TGFB1: variants seen among roughly 807,000 people sequenced by gnomAD.
TGFB1 encodes transforming growth factor beta 1.
Under a neutral mutation model 43.8 loss-of-function variants are expected in TGFB1, and 19 were observed. The observed-to-expected ratio is 0.43, with a 90% CI of 0.30 to 0.64. TGFB1 has a LOEUF of 0.64. Among genes scored for constraint, TGFB1 ranks in the 30% least tolerant of loss-of-function variants. TGFB1 has a pLI of 0.11. For synonymous variants in TGFB1, 221 were observed against 236.3 expected (o/e 0.94, Z 0.60); for missense variants, 445 against 529.8 (o/e 0.84, Z 1.57).
At chr19:41,349,046 G>A (rs1190810296) in intron 1 of TGFB1, among the ~76,000 whole-genome samples, 1 of 152,060 alleles carries the variant, frequency 6.6e-6, no homozygotes, top group Non-Finnish European at 1.5e-5. Flanking sequence ...CTCTCAAGTC[G>A]ACTAAGGCTG....
chr19:41,330,890 G>A lies in TGFB1; in HGVS notation c.*162C>T, dbSNP rs1170990640. On this transcript the variant is annotated 3_prime_UTR_variant, in exon 7 of 7. Transcript: ENST00000221930. ...TCAGGGATGGAGACCCCAGGCAGGCGCCCAATGACACAGAGATCCGCAGTC... is the reference window on the plus strand; with the variant it reads ...TCAGGGATGGAGACCCCAGGCAGGCACCCAATGACACAGAGATCCGCAGTC... 5 of 581,710 alleles carry A rather than the reference G, an allele frequency of 8.6e-6. No individual in the cohort carries two copies. The highest frequency in any genetic ancestry group is 2.0e-5 in the African/African-American group (1 of 49,772). The allele number at this position is 581,710 out of a possible 1,614,324, so 36.0% of individuals were successfully genotyped here.
intron 1 of TGFB1, among the ~76,000 whole-genome samples, chr19:41,350,019 C>G (rs766604902): frequency 5.3e-4 from 81 of 151,696 alleles, no homozygotes; most frequent in Non-Finnish European, 2.9e-4. Context: ...CTCACTCTGT[C>G]CCCCAGACGG....
chr19:41,339,946 G>C (rs1160074275), intron 5 of TGFB1, among the ~76,000 whole-genome samples: 1 of 152,172 alleles, frequency 6.6e-6, no homozygotes, highest in Non-Finnish European at 1.5e-5. Flanking sequence ...ACAAAGCCCA[G>C]AGACAGGACC....
intron 2 of TGFB1, among the ~76,000 whole-genome samples, chr19:41,346,782 G>A (rs2038120890): frequency 6.6e-6 from 1 of 152,140 alleles, no homozygotes; most frequent in African/African-American, 2.4e-5. Flanking sequence ...CTGGAGTGCA[G>A]TGGTATGATC....
intron 5 of TGFB1, among the ~76,000 whole-genome samples, chr19:41,334,382 AAAAGAAAAAAG>A (rs1221135872): frequency 6.6e-6 from 1 of 151,970 alleles, no homozygotes; most frequent in East Asian, 1.9e-4. Context: ...TCTTGAAAAG[AAAAGAAAAAAG>A]AAAGAAAAGA....
Position 41,336,188 on chromosome 19 carries a change from G to A in TGFB1, c.861-3907C>T, listed in dbSNP as rs547786297. Among the ~76,000 whole-genome samples, 7 of 151,952 alleles carry A rather than the reference G, an allele frequency of 4.6e-5. No individual in the cohort carries two copies. In the South Asian group the frequency reaches 1.2e-3, roughly 27 times the overall value. On this transcript the variant is annotated intron_variant, in intron 5 of 6. Coordinates refer to ENST00000221930, the MANE Select transcript of TGFB1 (RefSeq NM_000660.7). The stretch of plus-strand genomic sequence containing the variant: ...TTTTTCTGTATTTTTAGTAGAGACA[G>A]GGTTTCACCATGTTGGACAGGCTGG...
intron 3 of TGFB1, among the ~76,000 whole-genome samples, chr19:41,343,313 T>C (rs2123100988): frequency 6.6e-6 from 1 of 152,172 alleles, no homozygotes; most frequent in Middle Eastern, 3.4e-3. Context: ...TATGTATTTT[T>C]AGTAGAGACG....
intron 5 of TGFB1, among the ~76,000 whole-genome samples, chr19:41,341,103 A>C (rs1214132990): frequency 6.6e-6 from 1 of 151,816 alleles, no homozygotes; most frequent in Non-Finnish European, 1.5e-5. Context: ...AGGCTGAGGC[A>C]GGCGGATCAC....
intron 5 of TGFB1, among the ~76,000 whole-genome samples, chr19:41,333,935 G>T (rs1470501373): frequency 6.6e-6 from 1 of 152,230 alleles, no homozygotes; most frequent in African/African-American, 2.4e-5. Context: ...CTGGATGAGA[G>T]TTTACGGGCA....
At chr19:41,338,291 C>G (rs921921612) in intron 5 of TGFB1, among the ~76,000 whole-genome samples, 6 of 151,352 alleles carry the variant, frequency 4.0e-5, no homozygotes, top group Admixed American at 6.6e-5. Flanking sequence ...GTCAGGAGTT[C>G]AAGACCAGCC....
chr19:41,349,671 C>T (rs905231264), intron 1 of TGFB1, among the ~76,000 whole-genome samples: 5 of 152,078 alleles, frequency 3.3e-5, no homozygotes, highest in African/African-American at 1.2e-4. Context: ...GCATGAGAAT[C>T]GCTTGAACCT....
At chr19:41,341,096 C>T (rs2038049109) in intron 5 of TGFB1, among the ~76,000 whole-genome samples, 1 of 152,076 alleles carries the variant, frequency 6.6e-6, no homozygotes, top group African/African-American at 2.4e-5. Context: ...CTTCGGGAGG[C>T]TGAGGCAGGC....
At chr19:41,341,196 T>G (rs959963610) in intron 5 of TGFB1, among the ~76,000 whole-genome samples, 3 of 148,398 alleles carry the variant, frequency 2.0e-5, no homozygotes, top group African/African-American at 5.0e-5. Flanking sequence ...GCCGGGCGCG[T>G]TGGCTCACGC....
rs1599882471 is a variant in TGFB1 at position 41,332,260 on chromosome 19, G to A, written c.882C>T (p.Cys294=). 1.2e-6 allele frequency: 2 copies of A among 1,614,028 alleles called. No homozygotes were observed. The highest frequency in any genetic ancestry group is 2.2e-5 in the East Asian group (1 of 44,878). ...GGAAGTCAATGTACAGCTGCCGCACGCAGCAGTTCTTCTCCGTGGAGCTGC... is the reference window on the plus strand; with the variant it reads ...GGAAGTCAATGTACAGCTGCCGCACACAGCAGTTCTTCTCCGTGGAGCTGC... The part of the protein sequence containing the change: ...YCFSSTEKNC[C]VRQLYIDFRK... Residue 294 remains cysteine (C), a synonymous_variant, in exon 6 of 7, where the codon TGC becomes TGT. Transcript: ENST00000221930.
chr19:41,332,582 C>CAT (rs2037945952), intron 5 of TGFB1, among the ~76,000 whole-genome samples: 4 of 152,194 alleles, frequency 2.6e-5, no homozygotes, highest in Non-Finnish European at 5.9e-5. Context: ...CATGGCATGC[C>CAT]ACACCCTGGA....
intron 5 of TGFB1, among the ~76,000 whole-genome samples, chr19:41,336,582 G>A (rs1173188336): frequency 6.6e-6 from 1 of 151,706 alleles, no homozygotes; most frequent in Non-Finnish European, 1.5e-5. Flanking sequence ...GGGAGATGGG[G>A]TTTCACCATA....
intron 3 of TGFB1, 135 bp from the exon 4 acceptor site, chr19:41,342,382 AGC>A: frequency 1.6e-6 from 1 of 615,512 alleles, no homozygotes; most frequent in Non-Finnish European, 2.7e-6. Context: ...CTCTCACTGC[AGC>A]TCTCTCTTTT....
intron 5 of TGFB1, among the ~76,000 whole-genome samples, chr19:41,341,263 G>T (rs2038051368): frequency 6.6e-6 from 1 of 150,774 alleles, no homozygotes; most frequent in Admixed American, 6.6e-5. Context: ...TCAGGAGATG[G>T]AGACCATCCT....
chr19:41,334,689 A>G (rs2037970850), intron 5 of TGFB1, among the ~76,000 whole-genome samples: 1 of 151,866 alleles, frequency 6.6e-6, no homozygotes, highest in African/African-American at 2.4e-5. Context: ...GAGGCAGGAG[A>G]ATCGCTTGAA....
Sources: allele counts gnomAD v4.1 joint callset (sites outside exome capture counted in the v4.1 genomes callset), GRCh38; gene constraint gnomAD v4.1.1; transcripts MANE v1.5; gene names NCBI Gene and HGNC (gene_info 2026-07-23, HGNC 2026-07-21).